Variants in MAN1A1 observed in about 807,000 individuals in gnomAD.
MAN1A1 encodes the protein mannosidase alpha class 1A member 1.
A neutral mutation model predicts 70.8 loss-of-function variants in MAN1A1; 29 were observed. The ratio of observed to expected loss-of-function variants is 0.41; its 90% CI spans 0.31 to 0.56. The LOEUF (loss-of-function observed/expected upper bound fraction) is 0.56, where lower values mean the gene tolerates loss of function less well. MAN1A1 is among the 20% of genes least tolerant of loss of function. The pLI is 0.29. For missense variants in MAN1A1, 747 were observed against 841.3 expected (o/e 0.89, Z 1.39); for synonymous variants, 349 against 330.1 (o/e 1.06, Z -0.62).
chr6:119,220,857 T>C (rs985383503), intron 6 of MAN1A1, among the ~76,000 whole-genome samples: 1 of 151,984 alleles, frequency 6.6e-6, no homozygotes, highest in Non-Finnish European at 1.5e-5. Context: ...GCACTGAAAA[T>C]TGAGATATCA....
chr6:119,350,146 C>G (rs1005299231), upstream of MAN1A1, among the ~76,000 whole-genome samples: 1 of 152,152 alleles, frequency 6.6e-6, no homozygotes, highest in African/African-American at 2.4e-5. Context: ...CCGCGCGGGA[C>G]CTCTCTGCCT....
chr6:119,343,503 C>T (rs1773649136), intron 2 of MAN1A1, among the ~76,000 whole-genome samples: 1 of 152,202 alleles, frequency 6.6e-6, no homozygotes, highest in South Asian at 2.1e-4. Context: ...TTAAAGTTAT[C>T]ATGGCATAAT....
intron 5 of MAN1A1, among the ~76,000 whole-genome samples, chr6:119,266,364 C>T (rs6569061): frequency 0.48 from 72,554 of 151,842 alleles, 17,767 homozygotes; most frequent in East Asian, 0.76. Context: ...AATCTTGTCT[C>T]GATTTGTGGT....
rs1403868932 is a variant in MAN1A1, at chr6:119,348,927, CCAG to C, written c.136_138del (p.Leu46del). The C allele has an allele frequency of 6.5e-7, 1 of 1,533,804 alleles. No homozygotes were observed. The highest frequency in any genetic ancestry group is 8.8e-7 in the Non-Finnish European group (1 of 1,140,672). ...CAGAGCGTGATGAAGGCGCTGAATA[CCAG>C]CAGCAGCACGAACTTCTCCGTCAGG... On this transcript the variant is annotated inframe_deletion, in exon 2 of 13. Coordinates refer to ENST00000368468, the MANE Select transcript of MAN1A1 (RefSeq NM_005907.4).
chr6:119,275,581 C>T (rs2114386714), intron 5 of MAN1A1, among the ~76,000 whole-genome samples: 1 of 140,594 alleles, frequency 7.1e-6, no homozygotes, highest in South Asian at 2.1e-4. Flanking sequence ...GCTGGGATTA[C>T]AGGCGTGAGC....
At chr6:119,258,530 C>G (rs953330039) in intron 5 of MAN1A1, among the ~76,000 whole-genome samples, 4 of 152,144 alleles carry the variant, frequency 2.6e-5, no homozygotes, top group African/African-American at 7.2e-5. Context: ...TATGCAAATA[C>G]TGTACCATTT....
At chr6:119,219,796 A>AT (rs1303560504) in intron 6 of MAN1A1, among the ~76,000 whole-genome samples, 2 of 152,186 alleles carry the variant, frequency 1.3e-5, no homozygotes, top group African/African-American at 4.8e-5. Context: ...AATATGTAGT[A>AT]TTTTAAGAAA....
chr6:119,255,135 T>C (rs1328115745), intron 5 of MAN1A1, among the ~76,000 whole-genome samples: 1 of 152,230 alleles, frequency 6.6e-6, no homozygotes, highest in South Asian at 2.1e-4. Context: ...TGTAGGAATA[T>C]ATACATGCCA....
Position 119,302,087 on chromosome 6 carries a change from T to G in MAN1A1, c.717A>C (p.Ala239=). The change falls in exon 4 of 13, where the codon GCA becomes GCC. Residue 239 remains alanine, a synonymous_variant. Transcript: ENST00000368468. ...SSSLFGNIKG[A]TIVDALDTLF... is the part of the protein sequence containing the mutation. ...GTGTATCCAGGGCATCTACTATAGTTGCTCCTTTGATGTTACCTGAAAAGA... is the reference window on the plus strand; with the variant it reads ...GTGTATCCAGGGCATCTACTATAGTGGCTCCTTTGATGTTACCTGAAAAGA... 1 of 1,586,780 alleles carries G rather than the reference T, an allele frequency of 6.3e-7. No individual in the cohort carries two copies. Among genetic ancestry groups the G allele is most frequent in the Non-Finnish European group, 8.6e-7 (1 of 1,156,622 alleles).
intron 5 of MAN1A1, among the ~76,000 whole-genome samples, chr6:119,254,440 A>G (rs963896634): frequency 5.3e-5 from 8 of 152,220 alleles, no homozygotes; most frequent in Admixed American, 4.6e-4. Flanking sequence ...AAGCTACAAA[A>G]CTAGTACTAA....
upstream of MAN1A1, among the ~76,000 whole-genome samples, chr6:119,349,929 G>T (rs946546640): frequency 3.4e-5 from 5 of 148,280 alleles, 1 homozygote; most frequent in South Asian, 6.3e-4. Flanking sequence ...CAGCCTCGGC[G>T]GGGCCCGGCC....
chr6:119,187,761 C>A (rs959332027), intron 11 of MAN1A1, among the ~76,000 whole-genome samples: 1 of 152,164 alleles, frequency 6.6e-6, no homozygotes, highest in Non-Finnish European at 1.5e-5. Flanking sequence ...AGATGCATAT[C>A]CTGCAGGTTG....
chr6:119,310,210 A>G (rs1772662444), intron 2 of MAN1A1, among the ~76,000 whole-genome samples: 1 of 152,260 alleles, frequency 6.6e-6, no homozygotes, highest in Non-Finnish European at 1.5e-5. Flanking sequence ...CATAGACTTC[A>G]TATCTTGCAT....
At position 119,276,062 on chromosome 6, in the gene MAN1A1, T is replaced by C. The variant is rs566178263; in HGVS notation, c.897+14621A>G. On this transcript the variant is annotated intron_variant, in intron 5 of 12. Coordinates refer to ENST00000368468, the MANE Select transcript of MAN1A1 (RefSeq NM_005907.4). ...CATTGCTGCCCTCCTTCTCTTCTTC[T>C]TCATTCCAAAGGAAAGAAAGAAATG... 2.6e-5 allele frequency among the ~76,000 whole-genome samples: 4 copies of C among 152,368 alleles called. No individual in the cohort carries two copies. In the East Asian group the frequency reaches 5.8e-4, roughly 22 times the overall value.
rs185700172 is a variant in MAN1A1 at position 119,217,984 on chromosome 6, G to A, written c.993-13102C>T. 2.6e-4 allele frequency among the ~76,000 whole-genome samples: 40 copies of A among 152,274 alleles called. 1 individual carries two copies. In the East Asian group the frequency reaches 6.0e-3, roughly 23 times the overall value. ...ACAGCTGCATAGTTACATTCCATAAGTGAAGAATCACATTTCATTAAACCA... is the reference window on the plus strand; with the variant it reads ...ACAGCTGCATAGTTACATTCCATAAATGAAGAATCACATTTCATTAAACCA... On this transcript the variant is annotated intron_variant, in intron 6 of 12. Coordinates refer to ENST00000368468, the MANE Select transcript of MAN1A1 (RefSeq NM_005907.4).
chr6:119,260,630 GAA>G (rs1371689064), intron 5 of MAN1A1, among the ~76,000 whole-genome samples: 1 of 152,108 alleles, frequency 6.6e-6, no homozygotes, highest in Non-Finnish European at 1.5e-5. Flanking sequence ...TAATTTACTT[GAA>G]AGCATCTTTA....
intron 2 of MAN1A1, among the ~76,000 whole-genome samples, chr6:119,345,993 C>T (rs578043670): frequency 6.6e-6 from 1 of 152,288 alleles, no homozygotes; most frequent in East Asian, 1.9e-4. Flanking sequence ...GTAATCCCAG[C>T]TACTTGGGAG....
At position 119,180,321 on chromosome 6, in the gene MAN1A1, T is replaced by G; in HGVS notation, c.1826A>C (p.Glu609Ala). The change falls in exon 12 of 13, where the codon GAG (glutamate) becomes GCG (alanine). Residue 609 changes from glutamate to alanine, a missense_variant. By Grantham distance (107) the Glu-to-Ala change is moderately radical. This residue lies in a region of MAN1A1 where 419 missense variants were observed against 548.2 expected (regional missense o/e 0.76). Coordinates refer to ENST00000368468, the MANE Select transcript of MAN1A1 (RefSeq NM_005907.4). ...DDVQQSFFLA[E>A]TLKYLYLIFS... ...AATAATTTTCACCTACTTCAATGTC[T>G]CTGCCAGGAAGAAACTCTGCTGCAC... 6.8e-6 allele frequency: 11 copies of G among 1,612,630 alleles called. No individual in the cohort carries two copies. The highest frequency in any genetic ancestry group is 9.3e-6 in the Non-Finnish European group (11 of 1,178,846).
intron 8 of MAN1A1, among the ~76,000 whole-genome samples, chr6:119,196,414 C>A (rs1773571076): frequency 6.6e-6 from 1 of 151,752 alleles, no homozygotes; most frequent in Non-Finnish European, 1.5e-5. Context: ...TCCTTCAGGC[C>A]TGGATGGCTG....
Sources: gnomAD v4.1 joint callset for allele counts (sites outside exome capture counted in the v4.1 genomes callset) on GRCh38, gnomAD v4.1.1 for gene constraint, gnomAD v4.1.1 regional missense constraint, MANE v1.5 for transcripts, NCBI Gene and HGNC (gene_info 2026-07-23, HGNC 2026-07-21) for gene names.